The following ADGRL1 variants were observed in gnomAD, a reference collection of about 807,000 sequenced individuals.
ADGRL1 encodes CIRL-1.
A neutral mutation model predicts 148.9 loss-of-function variants in ADGRL1; 31 were observed. That is an observed-to-expected ratio of 0.21 (90% CI 0.16 to 0.28). The LOEUF (loss-of-function observed/expected upper bound fraction) is 0.28. Ranked by LOEUF, ADGRL1 falls within the 10% of genes least tolerant of loss-of-function variation. The probability of loss-of-function intolerance (pLI) is 1.00; values close to 1 mark genes in which losing one functional copy is unlikely to be tolerated. For missense variants in ADGRL1, 1,521 were observed against 2,058.8 expected (o/e 0.74, Z 5.05); for synonymous variants, 937 against 900.3 (o/e 1.04, Z -0.73).
rs2144659724 is a variant in ADGRL1 at position 14,156,220 on chromosome 19, G to A, written c.3034-19C>T. The A allele has an allele frequency of 6.3e-7, 1 of 1,590,618 alleles. No individual in the cohort carries two copies. The highest frequency in any genetic ancestry group is 8.6e-7 in the Non-Finnish European group (1 of 1,161,826). On this transcript the variant is annotated intron_variant, in intron 16 of 22. Transcript: ENST00000361434. ...GGTTGACCTGGGGGCGGGACAAGGG[G>A]CAGGCTGGGCTGAGAGTGGCCCTGC...
intron 2 of ADGRL1, among the ~76,000 whole-genome samples, chr19:14,183,011 G>A (rs368822306): frequency 3.0e-4 from 46 of 152,290 alleles, no homozygotes; most frequent in African/African-American, 9.9e-4. Context: ...GGCTGGTCAC[G>A]GGGCCAGTAA....
rs540280792 is a variant in ADGRL1 at position 14,168,984 on chromosome 19, C to T, written c.394+1698G>A. 6 of 152,386 alleles carry T rather than the reference C, an allele frequency of 3.9e-5. No homozygotes were observed. The East Asian group carries it at 1.2e-3, about 29-fold the overall frequency. 9.4% of individuals were successfully genotyped at this position (152,386 alleles called of 1,614,324 possible). On this transcript the variant is annotated intron_variant, in intron 4 of 22. Coordinates refer to ENST00000361434, the MANE Select transcript of ADGRL1 (RefSeq NM_014921.5). ...GCAGGCACCATTTCCTTTGCATCTA[C>T]AGCTCGGGTGCACACAAGCTTGACA...
intron 2 of ADGRL1, among the ~76,000 whole-genome samples, chr19:14,183,211 G>GAGAGAGAGAGAA (rs1971329625): frequency 6.7e-6 from 1 of 150,304 alleles, no homozygotes; most frequent in African/African-American, 2.5e-5. Flanking sequence ...GAGAGAGAGA[G>GAGAGAGAGAGAA]AGAGAGCGAG....
At chr19:14,173,103 GT>G (rs1489229159) in intron 3 of ADGRL1, among the ~76,000 whole-genome samples, 4 of 152,086 alleles carry the variant, frequency 2.6e-5, no homozygotes, top group African/African-American at 9.7e-5. Flanking sequence ...GGGACTACAG[GT>G]ATGTGCCACC....
intron 3 of ADGRL1, among the ~76,000 whole-genome samples, chr19:14,177,150 A>G (rs1277831660): frequency 1.3e-5 from 2 of 152,034 alleles, no homozygotes; most frequent in Non-Finnish European, 2.9e-5. Flanking sequence ...AGAATCGCCT[A>G]AACCCAGGAG....
intron 1 of ADGRL1, among the ~76,000 whole-genome samples, chr19:14,200,090 T>C (rs1056904163): frequency 6.6e-6 from 1 of 152,168 alleles, no homozygotes; most frequent in Non-Finnish European, 1.5e-5. Context: ...GAAGATGACA[T>C]TTCAGCAAAC....
At position 14,150,921 on chromosome 19, in the gene ADGRL1, C is replaced by G. The variant is rs1018741363; in HGVS notation, c.4362G>C (p.Gly1454=). ...TCTGCCCGTCCCCATCGGGCCCTGG[C>G]CCCTCAAGGCCTGGGGCTGCCAGGT... The part of the protein sequence containing the change: ...EGYLAAPGLE[G]PGPDGDGQMQ... Residue 1454 remains glycine (G), a synonymous_variant, in exon 23 of 23, where the codon GGG becomes GGC. Coordinates refer to ENST00000361434, the MANE Select transcript of ADGRL1 (RefSeq NM_014921.5). 6.2e-7 allele frequency: 1 copy of G among 1,611,854 alleles called. No homozygotes were observed.
chr19:14,181,686 C>T (rs1441807673), intron 2 of ADGRL1, among the ~76,000 whole-genome samples: 2 of 152,156 alleles, frequency 1.3e-5, no homozygotes, highest in Non-Finnish European at 2.9e-5. Flanking sequence ...CACCACTGCA[C>T]TCCAGCCTGG....
intron 2 of ADGRL1, among the ~76,000 whole-genome samples, chr19:14,182,767 G>C (rs1971288586): frequency 6.6e-6 from 1 of 152,182 alleles, no homozygotes; most frequent in Non-Finnish European, 1.5e-5. Flanking sequence ...AGCAGCAGAG[G>C]AGTGAGGTTG....
In ADGRL1 at chr19:14,161,167, G is replaced by A; in HGVS notation, c.1510+145C>T. The A allele has an allele frequency of 1.2e-6, 1 of 833,090 alleles. No individual in the cohort carries two copies. The highest frequency in any genetic ancestry group is 1.8e-6 in the Non-Finnish European group (1 of 566,244). 51.6% of individuals were successfully genotyped at this position (833,090 alleles called of 1,614,324 possible). A position where few individuals can be genotyped will look rare whatever the true frequency, so the allele number is the denominator to read the frequency against. ...GGGCACTGAGTGGCTCCTGTGCCCT[G>A]AGAGCTCTGCTGGTCACTGGGGATG... On this transcript the variant is annotated intron_variant, in intron 6 of 22. Coordinates refer to ENST00000361434, the MANE Select transcript of ADGRL1 (RefSeq NM_014921.5). The surrounding 1 kb of genome is among the most constrained non-coding windows in gnomAD (Gnocchi z 4.4).
At position 14,151,223 on chromosome 19, in the gene ADGRL1, C is replaced by T; in HGVS notation, c.4060G>A (p.Asp1354Asn). The stretch of plus-strand genomic sequence containing the variant: ...TCGGCCGTGCAGCTCTCCGACTCGT[C>T]CAGATCGCTCTGGTACAGCACCGAC... ...AQSVLYQSDL[D>N]ESESCTAEDG... is the part of the protein sequence containing the mutation. Residue 1354 changes from aspartate (D) to asparagine (N), a missense_variant, in exon 23 of 23, where the codon GAC becomes AAC. By Grantham distance (23) the Asp-to-Asn change is conservative. This residue lies in a region of ADGRL1 where 390 missense variants were observed against 375.0 expected (regional missense o/e 1.04). Transcript: ENST00000361434. 1.2e-6 allele frequency: 2 copies of T among 1,611,982 alleles called. No homozygotes were observed. Among genetic ancestry groups the T allele is most frequent in the Non-Finnish European group, 1.7e-6 (2 of 1,179,700 alleles).
chr19:14,178,899 A>C (rs1311227013), intron 2 of ADGRL1, among the ~76,000 whole-genome samples: 1 of 152,140 alleles, frequency 6.6e-6, no homozygotes, highest in African/African-American at 2.4e-5. Context: ...TAAGCCAAGG[A>C]GAGGCCAGGC....
intron 1 of ADGRL1, among the ~76,000 whole-genome samples, chr19:14,198,116 A>C (rs1457637080): frequency 2.0e-5 from 3 of 152,050 alleles, no homozygotes; most frequent in Non-Finnish European, 2.9e-5. Context: ...ATGTGCTGAG[A>C]TGTGGCTGGG....
chr19:14,187,769 G>T (rs1408240250), intron 1 of ADGRL1, among the ~76,000 whole-genome samples: 1 of 152,084 alleles, frequency 6.6e-6, no homozygotes, highest in Non-Finnish European at 1.5e-5. Context: ...TGGGAATGGG[G>T]AGTGGCTTCC....
At chr19:14,183,844 C>G (rs1213198591) in intron 1 of ADGRL1, 147 bp from the exon 2 acceptor site, 5 of 536,118 alleles carry the variant, frequency 9.3e-6, no homozygotes, top group Non-Finnish European at 9.9e-6. Context: ...CCGGGGTCTG[C>G]AGCTCACACC....
At chr19:14,167,821 C>T (rs895169506) in intron 4 of ADGRL1, among the ~76,000 whole-genome samples, 1 of 152,078 alleles carries the variant, frequency 6.6e-6, no homozygotes, top group Non-Finnish European at 1.5e-5. Flanking sequence ...CACAGACACG[C>T]TCCCAGGCTC....
At chr19:14,165,899 T>C (rs2007787) in intron 4 of ADGRL1, among the ~76,000 whole-genome samples, 26,419 of 152,078 alleles carry the variant, frequency 0.17, 2,644 homozygotes, top group African/African-American at 0.28. Flanking sequence ...CAGCCCTGCC[T>C]GCTGCTGCCG....
At chr19:14,151,961 A>C (rs1968244942) in intron 22 of ADGRL1, among the ~76,000 whole-genome samples, 172 bp downstream of exon 22, 1 of 152,044 alleles carries the variant, frequency 6.6e-6, no homozygotes, top group South Asian at 2.1e-4. Context: ...AACTCAATGA[A>C]CACCATCCAT....
chr19:14,158,632 A>C, intron 11 of ADGRL1, 80 bp from the exon 12 acceptor site: 8 of 1,202,290 alleles, frequency 6.7e-6, no homozygotes, highest in Non-Finnish European at 9.6e-6. Flanking sequence ...TTCCCAGCTC[A>C]GCCAGCTCCT....
Sources: allele counts gnomAD v4.1 joint callset (sites outside exome capture counted in the v4.1 genomes callset), GRCh38; gene constraint gnomAD v4.1.1; regional missense constraint gnomAD v4.1.1; non-coding constraint Gnocchi (gnomAD v3.1); transcripts MANE v1.5; gene names NCBI Gene and HGNC (gene_info 2026-07-23, HGNC 2026-07-21).